The following NELL1 variants were observed in gnomAD, a reference collection of about 807,000 sequenced individuals.
NELL1 encodes the protein protein kinase C-binding protein NELL1.
In NELL1, 76 loss-of-function variants were observed where a neutral mutation model predicts 107.4. The ratio of observed to expected loss-of-function variants is 0.71; its 90% CI spans 0.59 to 0.86. NELL1 has a LOEUF of 0.86. Ranked by LOEUF, NELL1 falls within the 40% of genes least tolerant of loss-of-function variation. The probability of loss-of-function intolerance (pLI) is 0.00; values close to 1 mark genes in which losing one functional copy is unlikely to be tolerated. For synonymous variants in NELL1, 353 were observed against 341.2 expected, an observed-to-expected ratio of 1.03 and a Z score of -0.38; for missense variants, 1,024 against 1,005.5, an observed-to-expected ratio of 1.02 and a Z score of -0.25.
intron 14 of NELL1, among the ~76,000 whole-genome samples, chr11:21,268,571 C>T (rs564739957): frequency 1.2e-4 from 19 of 152,212 alleles, no homozygotes; most frequent in African/African-American, 4.3e-4. Context: ...CCACCTGAGT[C>T]TTGTGGGGTG....
chr11:21,514,817 A>G lies in NELL1; in HGVS notation c.1646-19557A>G, dbSNP rs576802300. 2.0e-5 allele frequency among the ~76,000 whole-genome samples: 3 copies of G among 152,272 alleles called. No individual in the cohort carries two copies. The East Asian group carries it at 5.8e-4, about 30-fold the overall frequency. On this transcript the variant is annotated intron_variant, in intron 15 of 19. Coordinates refer to ENST00000357134, the MANE Select transcript of NELL1 (RefSeq NM_006157.5). ...GCCCTGCCTTATGGATTGAGAAACT[A>G]TTCTTTTACAGTGTACAGTCCTGTC... is the stretch of plus-strand genomic sequence containing the variant.
At chr11:20,700,035 A>C (rs1022862874) in intron 2 of NELL1, among the ~76,000 whole-genome samples, 7 of 60,686 alleles carry the variant, frequency 1.2e-4, no homozygotes, top group African/African-American at 4.7e-4. Flanking sequence ...ATAATTAGGG[A>C]CGTAGAACTT....
intron 14 of NELL1, among the ~76,000 whole-genome samples, chr11:21,239,299 A>G (rs1003602711): frequency 6.6e-6 from 1 of 152,182 alleles, no homozygotes; most frequent in African/African-American, 2.4e-5. Context: ...CCTTTTTAAC[A>G]TATGTTGTAT....
intron 3 of NELL1, among the ~76,000 whole-genome samples, chr11:20,835,983 T>C (rs537132136): frequency 6.6e-6 from 1 of 152,000 alleles, no homozygotes; most frequent in Non-Finnish European, 1.5e-5. Flanking sequence ...ATTAAGAGAT[T>C]AAAAAAACAA....
intron 14 of NELL1, among the ~76,000 whole-genome samples, chr11:21,243,308 T>C (rs1186829756): frequency 6.6e-6 from 1 of 151,772 alleles, no homozygotes; most frequent in Non-Finnish European, 1.5e-5. Context: ...CATGTGTAGA[T>C]GAGGAATTTT....
chr11:21,533,598 A>G (rs1856050673), intron 15 of NELL1, among the ~76,000 whole-genome samples: 1 of 152,176 alleles, frequency 6.6e-6, no homozygotes, highest in Non-Finnish European at 1.5e-5. Flanking sequence ...AAATCTATAC[A>G]TGAACCGGGT....
At chr11:21,363,440 C>T (rs1482289719) in intron 14 of NELL1, among the ~76,000 whole-genome samples, 1 of 152,154 alleles carries the variant, frequency 6.6e-6, no homozygotes, top group Non-Finnish European at 1.5e-5. Context: ...ATTTTGGGCA[C>T]TCACAGTTTT....
chr11:20,862,811 C>G (rs923785419), intron 4 of NELL1, among the ~76,000 whole-genome samples: 2 of 151,990 alleles, frequency 1.3e-5, no homozygotes, highest in South Asian at 2.1e-4. Flanking sequence ...TGACTCTCAA[C>G]GAGCATGCTG....
At chr11:21,470,449 T>G (rs1590957179) in intron 15 of NELL1, among the ~76,000 whole-genome samples, 2 of 152,200 alleles carry the variant, frequency 1.3e-5, no homozygotes, top group East Asian at 1.9e-4. Flanking sequence ...TTTCAAAACA[T>G]TTTTGTCTTC....
At chr11:20,982,378 G>A (rs1590496540) in intron 12 of NELL1, among the ~76,000 whole-genome samples, 1 of 152,182 alleles carries the variant, frequency 6.6e-6, no homozygotes, top group East Asian at 1.9e-4. Flanking sequence ...CAGTTTTGCA[G>A]ATGAGGGACC....
intron 12 of NELL1, among the ~76,000 whole-genome samples, chr11:20,974,842 T>C (rs991472542): frequency 2.3e-4 from 35 of 152,152 alleles, no homozygotes; most frequent in African/African-American, 8.4e-4. Context: ...TGCTTAAATT[T>C]AAAAAAGATA....
intron 2 of NELL1, among the ~76,000 whole-genome samples, chr11:20,752,616 CT>C (rs1487483443): frequency 6.6e-6 from 1 of 152,114 alleles, no homozygotes; most frequent in Admixed American, 6.6e-5. Context: ...TTTTTTGCAT[CT>C]GTTGAGAAAA....
chr11:20,693,012 G>T (rs7482697), intron 2 of NELL1, among the ~76,000 whole-genome samples: 66,445 of 151,702 alleles, frequency 0.44, 16,147 homozygotes, highest in Middle Eastern at 0.61. Flanking sequence ...AGCTCTTCTT[G>T]TTGAATTGAT....
chr11:21,309,283 T>TATATATATATATTATATA (rs1849686176), intron 14 of NELL1, among the ~76,000 whole-genome samples: 4 of 27,174 alleles, frequency 1.5e-4, no homozygotes, highest in Admixed American at 7.3e-4. Flanking sequence ...TATATATGTA[T>TATATATATATATTATATA]ATATATATAT....
chr11:20,893,445 AG>A (rs1167778377), intron 5 of NELL1, among the ~76,000 whole-genome samples: 1 of 151,840 alleles, frequency 6.6e-6, no homozygotes, highest in Non-Finnish European at 1.5e-5. Flanking sequence ...ATGTTAGTAA[AG>A]GTGATCTGAT....
intron 14 of NELL1, among the ~76,000 whole-genome samples, chr11:21,364,088 A>T (rs769371461): frequency 1.3e-5 from 2 of 152,136 alleles, no homozygotes; most frequent in Non-Finnish European, 2.9e-5. Context: ...TAAGAGCAAC[A>T]TCTCAATTTG....
chr11:20,730,413 T>C (rs1855612179), intron 2 of NELL1, among the ~76,000 whole-genome samples: 1 of 152,174 alleles, frequency 6.6e-6, no homozygotes, highest in Non-Finnish European at 1.5e-5. Context: ...CCCAAAGATG[T>C]GTGCAGTCTG....
At chr11:21,428,064 C>A (rs532723212) in intron 15 of NELL1, among the ~76,000 whole-genome samples, 1 of 152,174 alleles carries the variant, frequency 6.6e-6, no homozygotes, top group East Asian at 1.9e-4. Flanking sequence ...CAAAGACACA[C>A]TAAAAGAAAC....
At chr11:21,169,944 CCAAGAGCCCT>C in intron 13 of NELL1, 1 of 1,458,494 alleles carries the variant, frequency 6.9e-7, no homozygotes, top group Non-Finnish European at 9.6e-7. Context: ...TGCGGCTGGA[CCAAGAGCCCT>C]CTCTTTGTAG....
Sources: gnomAD v4.1 joint callset for allele counts (sites outside exome capture counted in the v4.1 genomes callset) on GRCh38, gnomAD v4.1.1 for gene constraint, MANE v1.5 for transcripts, NCBI Gene and HGNC (gene_info 2026-07-23, HGNC 2026-07-21) for gene names.